Variants in TBRG4 observed in about 807,000 individuals in gnomAD.
TBRG4 encodes transforming growth factor beta regulator 4.
A neutral mutation model predicts 65.6 loss-of-function variants in TBRG4; 43 were observed. That is an observed-to-expected ratio of 0.66 (90% CI 0.51 to 0.85). TBRG4 has a LOEUF of 0.85. Ranked by LOEUF, TBRG4 falls within the 40% of genes least tolerant of loss-of-function variation. The pLI, the probability that TBRG4 is intolerant of heterozygous loss-of-function variation, is 0.00. For missense variants in TBRG4, 709 were observed against 787.9 expected, an observed-to-expected ratio of 0.90 and a Z score of 1.20; for synonymous variants, 366 against 341.4, an observed-to-expected ratio of 1.07 and a Z score of -0.79.
rs765581334 is a variant in TBRG4 at position 45,104,630 on chromosome 7, G to A, written c.815C>T (p.Ser272Phe). Reference sequence around the variant, plus strand: ...GGAGATGGCCCGCAGCAAGGGCACGGACCGCCGGCTCTGAGCTGCCAGCAT... The same window carrying A: ...GGAGATGGCCCGCAGCAAGGGCACGAACCGCCGGCTCTGAGCTGCCAGCAT... Reference protein sequence around the residue: ...LVMLAAQSRRSVPLLRAISYH... With the variant: ...LVMLAAQSRRFVPLLRAISYH... The change falls in exon 4 of 11, where the codon TCC becomes TTC. Residue 272 changes from serine (S) to phenylalanine (F), a missense_variant. Ser to Phe is a radical substitution (Grantham distance 155). Coordinates refer to ENST00000258770, the MANE Select transcript of TBRG4 (RefSeq NM_004749.4). 6.2e-7 allele frequency: 1 copy of A among 1,613,914 alleles called. No homozygotes were observed. Among genetic ancestry groups the A allele is most frequent in the Non-Finnish European group, 8.5e-7 (1 of 1,180,040 alleles).
At chr7:45,104,446 C>T in intron 4 of TBRG4, 92 bp downstream of exon 4, 1 of 1,600,114 alleles carries the variant, frequency 6.2e-7, no homozygotes, top group East Asian at 2.2e-5. Context: ...CAGTGCCTAC[C>T]ATGCATAGGA....
rs758565513 is a variant in TBRG4 at position 45,105,476 on chromosome 7, G to A, written c.700C>T (p.Leu234Phe). Reference sequence around the variant, plus strand: ...AGGCGGTTCATTAGTGGCTCCGAGAGGTGTCCCACCTTCATCATGACGGTC... The same window carrying A: ...AGGCGGTTCATTAGTGGCTCCGAGAAGTGTCCCACCTTCATCATGACGGTC... ...LVTVMMKVGHLSEPLMNRLED... is the reference protein window; with the variant it reads ...LVTVMMKVGHFSEPLMNRLED... Residue 234 changes from leucine (L) to phenylalanine (F), a missense_variant, in exon 3 of 11, where the codon CTC becomes TTC. Leu to Phe is a conservative substitution (Grantham distance 22). Transcript: ENST00000258770. 7.4e-6 allele frequency: 12 copies of A among 1,612,332 alleles called. No individual in the cohort carries two copies. The highest frequency in any genetic ancestry group is 1.3e-5 in the African/African-American group (1 of 74,918).
intron 1 of TBRG4, among the ~76,000 whole-genome samples, chr7:45,111,142 A>T (rs538058277): frequency 6.6e-6 from 1 of 152,144 alleles, no homozygotes; most frequent in African/African-American, 2.4e-5. Flanking sequence ...CACCTGGCTA[A>T]TTTTTGTATT....
Position 45,102,003 on chromosome 7 carries a change from C to A in TBRG4, c.1389G>T (p.Leu463=). ...GGGGACCCGAGTACTCGGGGTACTC[C>A]AGCAGGGCAGTGGCGTTGATGTGGA... is the stretch of plus-strand genomic sequence containing the variant. ...KLLHINATAL[L]EYPEYSGPLL... is the part of the protein sequence containing the mutation. Residue 463 remains leucine, a synonymous_variant, in exon 8 of 11, where the codon CTG becomes CTT. Transcript: ENST00000258770. 1 of 1,571,800 alleles carries A rather than the reference C, an allele frequency of 6.4e-7. No individual in the cohort carries two copies. The highest frequency in any genetic ancestry group is 8.6e-7 in the Non-Finnish European group (1 of 1,162,076).
rs1416252060 is a variant in TBRG4, at chr7:45,104,117, CAG to C, written c.1045_1046del (p.Leu349ValfsTer2). Reference protein sequence around the residue: ...FALLKWLSLPLFEAFAQHVLN... With the variant: ...FALLKWLSLPXFEAFAQHVLN... Reference sequence around the variant, plus strand: ...GGCTCACCTGGGCAAAGGCCTCAAACAGGGGCAGGCTGAGCCACTTGAGTAAG... The same window carrying C: ...GGCTCACCTGGGCAAAGGCCTCAAACGGGCAGGCTGAGCCACTTGAGTAAG... On this transcript the variant is annotated frameshift_variant, in exon 5 of 11. Coordinates refer to ENST00000258770, the MANE Select transcript of TBRG4 (RefSeq NM_004749.4). LOFTEE classifies it high-confidence loss of function. The C allele has an allele frequency of 5.0e-6, 8 of 1,609,536 alleles. No individual in the cohort carries two copies. The highest frequency in any genetic ancestry group is 1.3e-5 in the African/African-American group (1 of 74,850).
chr7:45,111,148 G>C (rs555838207), intron 1 of TBRG4, among the ~76,000 whole-genome samples: 1 of 152,172 alleles, frequency 6.6e-6, no homozygotes, highest in African/African-American at 2.4e-5. Flanking sequence ...GCTAATTTTT[G>C]TATTTTTAGT....
intron 2 of TBRG4, chr7:45,107,806 CAAT>C (rs1279372165): frequency 6.5e-6 from 1 of 153,876 alleles, no homozygotes; most frequent in East Asian, 1.9e-4. Context: ...TAAAAAGAGT[CAAT>C]AAACAGCAAT....
At chr7:45,108,139 C>T (rs1324745597) in intron 2 of TBRG4, among the ~76,000 whole-genome samples, 1 of 152,240 alleles carries the variant, frequency 6.6e-6, no homozygotes, top group Non-Finnish European at 1.5e-5. Context: ...TTCATTACAC[C>T]TGACAACTGG....
At chr7:45,104,972 G>T in intron 3 of TBRG4, 1 of 754,296 alleles carries the variant, frequency 1.3e-6, no homozygotes, top group Non-Finnish European at 2.4e-6. Flanking sequence ...GAGCTGTGGA[G>T]CTTGCTGTGG....
At chr7:45,110,112 G>A (rs754940373) in intron 1 of TBRG4, among the ~76,000 whole-genome samples, 2 of 151,910 alleles carry the variant, frequency 1.3e-5, no homozygotes, top group Non-Finnish European at 2.9e-5. Context: ...ATTTCTAACA[G>A]CAAAAATTCT....
chr7:45,103,918 C>CA, intron 5 of TBRG4, 181 bp downstream of exon 5: 1 of 861,258 alleles, frequency 1.2e-6, no homozygotes, highest in African/African-American at 1.7e-5. Flanking sequence ...AAACAGTTCT[C>CA]AAACACTTTT....
chr7:45,109,058 C>T lies in TBRG4; in HGVS notation c.180G>A (p.Lys60=), dbSNP rs150626732. 5 of 1,613,924 alleles carry T rather than the reference C, an allele frequency of 3.1e-6. No homozygotes were observed. Among genetic ancestry groups the T allele is most frequent in the Non-Finnish European group, 4.2e-6 (5 of 1,179,860 alleles). Residue 60 remains lysine (K), a synonymous_variant, in exon 2 of 11, where the codon AAG becomes AAA. Coordinates refer to ENST00000258770, the MANE Select transcript of TBRG4 (RefSeq NM_004749.4). ...LPGSLMEPVE[K]ERASTPYIEK... is the part of the protein sequence containing the mutation. ...CTATGTAGGGAGTAGATGCTCGTTC[C>T]TTCTCCACCGGCTCCATCAAGGAAC...
At position 45,101,365 on chromosome 7, in the gene TBRG4, A is replaced by T. The variant is rs747874968; in HGVS notation, c.1687T>A (p.Phe563Ile). The T allele has an allele frequency of 1.5e-5, 25 of 1,613,858 alleles. No homozygotes were observed. The Admixed American group carries it at 4.2e-4, about 27-fold the overall frequency. The change falls in exon 10 of 11, where the codon TTC becomes ATC. Residue 563 changes from phenylalanine (F) to isoleucine (I), a missense_variant. Coordinates refer to ENST00000258770, the MANE Select transcript of TBRG4 (RefSeq NM_004749.4). ...AAGTTGGGGAACTCCCACCGCAAGA[A>T]CGCTAGCCTGGAAGGAAGAAGAGGT... Reference protein sequence around the residue: ...SPPPGSKRLAFLRWEFPNFNS... With the variant: ...SPPPGSKRLAILRWEFPNFNS...
chr7:45,105,509 T>A lies in TBRG4; in HGVS notation c.667A>T (p.Thr223Ser). 1 of 1,614,176 alleles carries A rather than the reference T, an allele frequency of 6.2e-7. No individual in the cohort carries two copies. Among genetic ancestry groups the A allele is most frequent in the African/African-American group, 1.3e-5 (1 of 75,054 alleles). Residue 223 changes from threonine to serine, a missense_variant, in exon 3 of 11, where the codon ACA becomes TCA. Transcript: ENST00000258770. ...RRWTEIEDSHTLVTVMMKVGH... is the reference protein window; with the variant it reads ...RRWTEIEDSHSLVTVMMKVGH... ...ACCTTCATCATGACGGTCACTAATGTGTGGGAATCTTCAATTTCTGTCCAA... is the reference window on the plus strand; with the variant it reads ...ACCTTCATCATGACGGTCACTAATGAGTGGGAATCTTCAATTTCTGTCCAA...
At chr7:45,102,154 A>T in intron 7 of TBRG4, 84 bp from the exon 8 acceptor site, 1 of 1,532,650 alleles carries the variant, frequency 6.5e-7, no homozygotes, top group South Asian at 1.3e-5. Context: ...GCACCCCTAC[A>T]CCCAGTCCCA....
At chr7:45,110,998 C>CG (rs1436556224) in intron 1 of TBRG4, 1 of 152,186 alleles carries the variant, frequency 6.6e-6, no homozygotes, top group Non-Finnish European at 1.5e-5. Flanking sequence ...TTTTTTGAGA[C>CG]GGAGTCTCGC....
At chr7:45,102,302 C>T (rs1784791071) in intron 7 of TBRG4, 45 bp downstream of exon 7, 11 of 1,612,408 alleles carry the variant, frequency 6.8e-6, no homozygotes, top group Non-Finnish European at 8.5e-6. Flanking sequence ...CAGACAAGAC[C>T]AGGCAGTTTC....
chr7:45,102,104 C>T (rs747529379), intron 7 of TBRG4, 34 bp from the exon 8 acceptor site: 2 of 1,557,448 alleles, frequency 1.3e-6, no homozygotes, highest in South Asian at 1.2e-5. Flanking sequence ...GGGAGGTGGG[C>T]CTACGGCCAG....
intron 2 of TBRG4, chr7:45,106,451 A>C (rs1420765763): frequency 6.3e-6 from 1 of 159,376 alleles, no homozygotes; most frequent in Non-Finnish European, 1.4e-5. Context: ...GATGGCAGAG[A>C]AGGTGGCACT....
Sources: allele counts gnomAD v4.1 joint callset (sites outside exome capture counted in the v4.1 genomes callset), GRCh38; gene constraint gnomAD v4.1.1; transcripts MANE v1.5; gene names NCBI Gene and HGNC (gene_info 2026-07-23, HGNC 2026-07-21).